Variants in ELMO1 observed in about 807,000 individuals in gnomAD.
ELMO1 encodes engulfment and cell motility protein 1.
Under a neutral mutation model 98.9 loss-of-function variants are expected in ELMO1, and 26 were observed. That is an observed-to-expected ratio of 0.26 (90% confidence interval 0.19 to 0.36). ELMO1 has a LOEUF of 0.36. Among genes scored for constraint, ELMO1 ranks in the 10% least tolerant of loss-of-function variants. The pLI is 1.00. For synonymous variants in ELMO1, 346 were observed against 346.0 expected (o/e 1.00, Z 0.00); for missense variants, 627 against 935.2 (o/e 0.67, Z 4.30).
chr7:37,089,916 A>G (rs1783983148), intron 15 of ELMO1, among the ~76,000 whole-genome samples: 1 of 152,196 alleles, frequency 6.6e-6, no homozygotes. Context: ...GGCTAATCCA[A>G]CCTCTGGACA....
intron 5 of ELMO1, among the ~76,000 whole-genome samples, chr7:37,264,077 T>G (rs928942854): frequency 2.6e-5 from 4 of 152,116 alleles, no homozygotes; most frequent in Non-Finnish European, 4.4e-5. Flanking sequence ...GAATGTAAAA[T>G]AGTGTGAGAA....
intron 21 of ELMO1, among the ~76,000 whole-genome samples, chr7:36,856,700 G>C (rs1802222661): frequency 6.6e-6 from 1 of 152,186 alleles, no homozygotes; most frequent in South Asian, 2.1e-4. Flanking sequence ...ATGACACCTG[G>C]TGAAAGAGGC....
At chr7:36,877,077 C>T (rs1214552819) in intron 19 of ELMO1, among the ~76,000 whole-genome samples, 1 of 152,158 alleles carries the variant, frequency 6.6e-6, no homozygotes, top group Non-Finnish European at 1.5e-5. Flanking sequence ...TGGCCGTGAG[C>T]TGTGAGGAAG....
chr7:36,973,936 G>A (rs946423159), intron 16 of ELMO1, among the ~76,000 whole-genome samples: 4 of 152,226 alleles, frequency 2.6e-5, no homozygotes, highest in African/African-American at 9.6e-5. Flanking sequence ...GCCCACCGGC[G>A]CTGAGCTCAA....
chr7:36,978,032 C>T (rs1188990641), intron 16 of ELMO1, among the ~76,000 whole-genome samples: 1 of 151,998 alleles, frequency 6.6e-6, no homozygotes, highest in Non-Finnish European at 1.5e-5. Context: ...CTGGGAATCC[C>T]AAGGCCTAGA....
At chr7:37,021,300 C>T (rs776206582) in intron 15 of ELMO1, among the ~76,000 whole-genome samples, 6 of 152,100 alleles carry the variant, frequency 3.9e-5, no homozygotes, top group African/African-American at 1.4e-4. Flanking sequence ...CTTCTCAGCT[C>T]CTGAAGTCTG....
chr7:37,200,443 T>C (rs1378145278), intron 13 of ELMO1, among the ~76,000 whole-genome samples: 1 of 149,844 alleles, frequency 6.7e-6, no homozygotes, highest in African/African-American at 2.5e-5. Flanking sequence ...TGCATGCCAT[T>C]CTCTCTGTCA....
intron 16 of ELMO1, among the ~76,000 whole-genome samples, chr7:36,920,641 C>A (rs1358722069): frequency 6.6e-6 from 1 of 152,138 alleles, no homozygotes. Flanking sequence ...TTAAAAAAAT[C>A]TGGCATAAAA....
At chr7:37,049,247 G>C (rs2129202475) in intron 15 of ELMO1, among the ~76,000 whole-genome samples, 2 of 152,242 alleles carry the variant, frequency 1.3e-5, no homozygotes, top group South Asian at 4.1e-4. Flanking sequence ...CAACCGAGCA[G>C]GGACAGTGCC....
chr7:37,224,980 C>T lies in ELMO1; in HGVS notation c.600G>A (p.Arg200=). The T allele has an allele frequency of 1.2e-6, 2 of 1,614,102 alleles. No homozygotes were observed. The highest frequency in any genetic ancestry group is 2.2e-5 in the South Asian group (2 of 91,074). The part of the protein sequence containing the change: ...KSAIDISILQ[R]SLAILESMVL... ...CCATCGACTCCAAAATGGCCAAGGA[C>T]CGCTGCAGGATCGAGATGTCTATGG... The change falls in exon 9 of 22, where the codon CGG becomes CGA. Residue 200 remains arginine (R), a synonymous_variant. Transcript: ENST00000310758.
At chr7:37,036,263 C>T (rs1795169191) in intron 15 of ELMO1, among the ~76,000 whole-genome samples, 1 of 151,922 alleles carries the variant, frequency 6.6e-6, no homozygotes, top group African/African-American at 2.4e-5. Flanking sequence ...ACCCATGTTG[C>T]TCAAGGGTCA....
intron 1 of ELMO1, among the ~76,000 whole-genome samples, chr7:37,383,011 C>A (rs1374773771): frequency 6.6e-6 from 1 of 152,188 alleles, no homozygotes; most frequent in Admixed American, 6.5e-5. Context: ...CTTTTCCCCT[C>A]CATACTTCAA....
intron 16 of ELMO1, among the ~76,000 whole-genome samples, chr7:36,900,695 C>T (rs903643970): frequency 6.6e-6 from 1 of 151,912 alleles, no homozygotes. Flanking sequence ...TCAATACTTA[C>T]AAAAAAAGTA....
chr7:36,936,018 G>T (rs79952874), intron 16 of ELMO1, among the ~76,000 whole-genome samples: 1,620 of 152,170 alleles, frequency 0.011, 36 homozygotes, highest in African/African-American at 0.038. Flanking sequence ...GTTTTATTCA[G>T]GTGTCCACTC....
chr7:37,078,205 A>G (rs1797686207), intron 15 of ELMO1, among the ~76,000 whole-genome samples: 1 of 152,226 alleles, frequency 6.6e-6, no homozygotes, highest in Non-Finnish European at 1.5e-5. Flanking sequence ...ATAATAATGC[A>G]GTCATAAAAT....
intron 2 of ELMO1, among the ~76,000 whole-genome samples, chr7:37,316,465 G>T (rs1201895726): frequency 1.3e-5 from 2 of 152,204 alleles, no homozygotes; most frequent in Non-Finnish European, 2.9e-5. Flanking sequence ...TTCCCCTGAT[G>T]ATGGCCCCAA....
intron 1 of ELMO1, chr7:37,375,604 C>G (rs1359707447): frequency 1.8e-6 from 2 of 1,129,620 alleles, no homozygotes; most frequent in Admixed American, 3.4e-5. Flanking sequence ...AAGGATGTCC[C>G]CCATGCCTAA....
chr7:37,423,691 G>A (rs1214368324), intron 1 of ELMO1, among the ~76,000 whole-genome samples: 1 of 152,014 alleles, frequency 6.6e-6, no homozygotes, highest in Non-Finnish European at 1.5e-5. Context: ...TCTCTTTTCT[G>A]CCAATAGTTT....
intron 7 of ELMO1, among the ~76,000 whole-genome samples, chr7:37,239,141 T>A (rs1425447181): frequency 6.6e-6 from 1 of 152,056 alleles, no homozygotes; most frequent in Non-Finnish European, 1.5e-5. Flanking sequence ...CTGTTATTGT[T>A]GTATGAAGGT....
Sources: gnomAD v4.1 joint callset for allele counts (sites outside exome capture counted in the v4.1 genomes callset) on GRCh38, gnomAD v4.1.1 for gene constraint, MANE v1.5 for transcripts, NCBI Gene and HGNC (gene_info 2026-07-23, HGNC 2026-07-21) for gene names.